LINGO2: variants seen among roughly 807,000 people sequenced by gnomAD.
LINGO2 encodes the protein leucine rich repeat and Ig domain containing 2.
A neutral mutation model predicts 30.6 loss-of-function variants in LINGO2; 14 were observed. That is an observed-to-expected ratio of 0.46 (90% CI 0.30 to 0.72). The LOEUF (loss-of-function observed/expected upper bound fraction) is 0.72. LINGO2 is among the 30% of genes least tolerant of loss of function. The pLI is 0.07. For missense variants in LINGO2, 729 were observed against 751.7 expected (o/e 0.97, Z 0.35); for synonymous variants, 317 against 288.5 (o/e 1.10, Z -1.00).
At chr9:28,737,073 G>A in the LINGO2 span, among the ~76,000 whole-genome samples, 3,763 of 152,256 alleles carry the variant, frequency 0.025, 163 homozygotes, top group African/African-American at 0.083. Context: ...TGACAGAAGT[G>A]ACAGTGGGAA....
At chr9:28,743,458 T>C in the LINGO2 span, among the ~76,000 whole-genome samples, 1 of 151,978 alleles carries the variant, frequency 6.6e-6, no homozygotes. Flanking sequence ...CCTGTGCTAG[T>C]TTGCTGAGAA....
intron 1 of LINGO2, among the ~76,000 whole-genome samples, chr9:28,539,749 A>T (rs1377733877): frequency 2.6e-5 from 4 of 152,184 alleles, no homozygotes; most frequent in Non-Finnish European, 4.4e-5. Flanking sequence ...CCCTGATGCT[A>T]AAAGGACAAG....
intron 1 of LINGO2, among the ~76,000 whole-genome samples, chr9:28,478,601 T>C (rs1342380348): frequency 1.3e-5 from 2 of 152,102 alleles, no homozygotes; most frequent in Non-Finnish European, 2.9e-5. Flanking sequence ...TATATTTCTG[T>C]GTGTTTGTGT....
intron 4 of LINGO2, among the ~76,000 whole-genome samples, chr9:28,025,446 A>T (rs1450875540): frequency 6.6e-6 from 1 of 152,070 alleles, no homozygotes; most frequent in Non-Finnish European, 1.5e-5. Flanking sequence ...CTCAGTGGAC[A>T]CTCTTTTCTC....
chr9:28,194,124 A>G (rs1044676555), intron 4 of LINGO2, among the ~76,000 whole-genome samples: 5 of 152,316 alleles, frequency 3.3e-5, no homozygotes, highest in African/African-American at 1.2e-4. Context: ...GGGATTGTTG[A>G]AGTCAAATAG....
At chr9:27,974,188 A>T (rs935956723) in intron 5 of LINGO2, among the ~76,000 whole-genome samples, 4 of 152,150 alleles carry the variant, frequency 2.6e-5, no homozygotes, top group African/African-American at 9.7e-5. Flanking sequence ...TTTGTACTTT[A>T]TGGCCCTGAG....
chr9:27,940,600 G>A, the LINGO2 span: 4 of 152,290 alleles, frequency 2.6e-5, no homozygotes, highest in Admixed American at 2.0e-4. Context: ...GCCTTGAAGG[G>A]AGTCGGTAGA....
intron 3 of LINGO2, among the ~76,000 whole-genome samples, chr9:28,357,115 G>A (rs1820239992): frequency 6.6e-6 from 1 of 152,016 alleles, no homozygotes; most frequent in Non-Finnish European, 1.5e-5. Context: ...AGAGATCATG[G>A]TGAGCAATTG....
chr9:28,184,176 G>T lies in LINGO2; in HGVS notation c.-87+111032C>A, dbSNP rs531919266. On this transcript the variant is annotated intron_variant, in intron 4 of 5. Transcript: ENST00000379992. ...ACAGGAGGGTAAAATAGAAGGGGAG[G>T]TCTTAATGGGAAAAGGGGAGGTAGG... 6.6e-5 allele frequency among the ~76,000 whole-genome samples: 10 copies of T among 152,246 alleles called. No individual in the cohort carries two copies. In the South Asian group the frequency reaches 2.1e-3, roughly 32 times the overall value.
intron 1 of LINGO2, among the ~76,000 whole-genome samples, chr9:28,595,939 A>G (rs926468085): frequency 3.9e-5 from 6 of 152,182 alleles, no homozygotes; most frequent in Non-Finnish European, 8.8e-5. Flanking sequence ...AAGGTAAAAC[A>G]CATTGCTTTT....
At position 27,982,439 on chromosome 9, in the gene LINGO2, G is replaced by A. The variant is rs72722846; in HGVS notation, c.-36+29916C>T. On this transcript the variant is annotated intron_variant, in intron 5 of 5. Coordinates refer to ENST00000379992, the Ensembl canonical transcript of LINGO2. ...TATAAACACATACACATGCATGCATGTGCATACAGATAAACACACAGCAAC... is the reference window on the plus strand; with the variant it reads ...TATAAACACATACACATGCATGCATATGCATACAGATAAACACACAGCAAC... 3.1e-3 allele frequency among the ~76,000 whole-genome samples: 467 copies of A among 151,880 alleles called. 2 individuals are homozygous for A. The highest frequency in any genetic ancestry group is 0.011 in the South Asian group (55 of 4,824).
intron 4 of LINGO2, among the ~76,000 whole-genome samples, chr9:28,183,301 T>A (rs12683152): frequency 0.088 from 13,332 of 151,796 alleles, 727 homozygotes; most frequent in East Asian, 0.19. Flanking sequence ...CCAGGGCCTG[T>A]TGAGGGGTGG....
the LINGO2 span, among the ~76,000 whole-genome samples, chr9:29,172,627 T>A: frequency 6.6e-6 from 1 of 151,454 alleles, no homozygotes; most frequent in East Asian, 1.9e-4. Flanking sequence ...AGAAGAAAAA[T>A]AATCTCCTTA....
the LINGO2 span, among the ~76,000 whole-genome samples, chr9:28,825,804 C>T: frequency 2.0e-5 from 3 of 152,152 alleles, no homozygotes; most frequent in Non-Finnish European, 4.4e-5. Flanking sequence ...ATTCATCCTA[C>T]ACTGTTCAGT....
At chr9:28,576,372 A>G (rs940874205) in intron 1 of LINGO2, among the ~76,000 whole-genome samples, 1 of 152,210 alleles carries the variant, frequency 6.6e-6, no homozygotes, top group African/African-American at 2.4e-5. Context: ...AACTAAAAAA[A>G]TCACAAATAG....
chr9:28,595,065 CATAA>C (rs1465756024), intron 1 of LINGO2, among the ~76,000 whole-genome samples: 2 of 151,952 alleles, frequency 1.3e-5, no homozygotes, highest in Non-Finnish European at 2.9e-5. Flanking sequence ...TATTCATGAG[CATAA>C]ATAGTCAATA....
At chr9:28,489,626 G>A (rs1019139641) in intron 1 of LINGO2, among the ~76,000 whole-genome samples, 11 of 152,018 alleles carry the variant, frequency 7.2e-5, no homozygotes, top group Non-Finnish European at 1.6e-4. Flanking sequence ...GAAGCTGGGC[G>A]TGGTGGCTCA....
chr9:28,104,553 C>G (rs1826524239), intron 4 of LINGO2, among the ~76,000 whole-genome samples: 1 of 151,886 alleles, frequency 6.6e-6, no homozygotes, highest in Non-Finnish European at 1.5e-5. Flanking sequence ...CCTCTAATGA[C>G]CATTTTGTTT....
At chr9:28,703,475 C>A in the LINGO2 span, among the ~76,000 whole-genome samples, 1 of 151,644 alleles carries the variant, frequency 6.6e-6, no homozygotes, top group African/African-American at 2.4e-5. Context: ...TGAGAACAGA[C>A]ATTATATAAA....
Sources: allele counts gnomAD v4.1 joint callset (sites outside exome capture counted in the v4.1 genomes callset), GRCh38; gene constraint gnomAD v4.1.1; transcripts MANE v1.5; gene names NCBI Gene and HGNC (gene_info 2026-07-23, HGNC 2026-07-21).